Variants in PRKAR2A observed in about 807,000 individuals in gnomAD.
PRKAR2A encodes cAMP-dependent protein kinase type II-alpha regulatory subunit.
A neutral mutation model predicts 51.9 loss-of-function variants in PRKAR2A; 29 were observed. The observed-to-expected ratio is 0.56, with a 90% CI of 0.42 to 0.76. PRKAR2A has a LOEUF of 0.76. Ranked by LOEUF, PRKAR2A falls within the 30% of genes least tolerant of loss-of-function variation. The pLI, the probability that PRKAR2A is intolerant of heterozygous loss-of-function variation, is 0.00. For missense variants in PRKAR2A, 445 were observed against 512.1 expected, an observed-to-expected ratio of 0.87 and a Z score of 1.26; for synonymous variants, 178 against 186.2, an observed-to-expected ratio of 0.96 and a Z score of 0.36.
At chr3:48,786,134 T>G (rs937807899) in intron 4 of PRKAR2A, among the ~76,000 whole-genome samples, 3 of 150,396 alleles carry the variant, frequency 2.0e-5, no homozygotes, top group African/African-American at 7.3e-5. Flanking sequence ...TTTTGTTTTT[T>G]TTTTTTTTGA....
At chr3:48,765,851 A>T (rs1210026414) in intron 6 of PRKAR2A, among the ~76,000 whole-genome samples, 3 of 151,998 alleles carry the variant, frequency 2.0e-5, no homozygotes, top group East Asian at 1.9e-4. Context: ...GTTCTTGCCT[A>T]AAAAAAGAAC....
intron 6 of PRKAR2A, 75 bp from the exon 7 acceptor site, chr3:48,765,424 G>T: frequency 1.0e-6 from 1 of 957,954 alleles, no homozygotes; most frequent in Non-Finnish European, 1.5e-6. Context: ...ACTGGCCAAA[G>T]CAAATATTAG....
Position 48,749,045 on chromosome 3 carries a change from C to T in PRKAR2A, c.*2540G>A, listed in dbSNP as rs188254549. 1 of 152,298 alleles carries T rather than the reference C, an allele frequency of 6.6e-6. No individual in the cohort carries two copies. Among genetic ancestry groups the T allele is most frequent in the East Asian group, 1.9e-4 (1 of 5,184 alleles). The allele number at this position is 152,298 out of a possible 1,614,324, so 9.4% of individuals were successfully genotyped here. A position where few individuals can be genotyped will look rare whatever the true frequency, so the allele number is the denominator to read the frequency against. On this transcript the variant is annotated 3_prime_UTR_variant, in exon 11 of 11. Coordinates refer to ENST00000265563, the MANE Select transcript of PRKAR2A (RefSeq NM_004157.4). ...TCCGTGGCAAAAGCGGAAAGCCTAGCTTATGTGGATAGTTGAAGGTGACTG... is the reference window on the plus strand; with the variant it reads ...TCCGTGGCAAAAGCGGAAAGCCTAGTTTATGTGGATAGTTGAAGGTGACTG...
At chr3:48,773,316 T>C (rs1368206642) in intron 5 of PRKAR2A, among the ~76,000 whole-genome samples, 2 of 151,130 alleles carry the variant, frequency 1.3e-5, no homozygotes, top group Non-Finnish European at 2.9e-5. Flanking sequence ...AGCCTTTTTG[T>C]GGCATTCTTG....
At chr3:48,775,608 T>C (rs569514608) in intron 5 of PRKAR2A, among the ~76,000 whole-genome samples, 86 of 151,372 alleles carry the variant, frequency 5.7e-4, no homozygotes, top group Admixed American at 1.5e-3. Context: ...TTAAAACATA[T>C]AGCAAACGCC....
At chr3:48,760,124 C>T (rs762538441) in intron 8 of PRKAR2A, among the ~76,000 whole-genome samples, 6 of 152,234 alleles carry the variant, frequency 3.9e-5, no homozygotes, top group Non-Finnish European at 5.9e-5. Flanking sequence ...AAGGCCAAGG[C>T]GGACAGATCA....
At chr3:48,810,186 A>C (rs2082747837) in intron 1 of PRKAR2A, among the ~76,000 whole-genome samples, 1 of 151,990 alleles carries the variant, frequency 6.6e-6, no homozygotes, top group African/African-American at 2.4e-5. Flanking sequence ...AGTTCTAGGA[A>C]TATGTTCTAA....
intron 2 of PRKAR2A, among the ~76,000 whole-genome samples, chr3:48,796,035 AG>A (rs1253498684): frequency 6.6e-6 from 1 of 152,218 alleles, no homozygotes; most frequent in African/African-American, 2.4e-5. Flanking sequence ...CTGAATAAAG[AG>A]TTTTGTACTT....
chr3:48,799,503 T>G (rs2082550215), intron 2 of PRKAR2A, among the ~76,000 whole-genome samples: 1 of 152,224 alleles, frequency 6.6e-6, no homozygotes, highest in South Asian at 2.1e-4. Flanking sequence ...ATTTCTAAAT[T>G]ATTTTAAGCA....
chr3:48,757,913 A>G (rs573913723), intron 8 of PRKAR2A, among the ~76,000 whole-genome samples: 1 of 152,214 alleles, frequency 6.6e-6, no homozygotes, highest in East Asian at 1.9e-4. Flanking sequence ...AAAATTAGCC[A>G]GGTGTGGTGA....
At chr3:48,831,512 G>A (rs942025334) in intron 1 of PRKAR2A, among the ~76,000 whole-genome samples, 1 of 151,914 alleles carries the variant, frequency 6.6e-6, no homozygotes, top group Non-Finnish European at 1.5e-5. Flanking sequence ...AACTATAGGC[G>A]TGCATCACCA....
At chr3:48,774,387 G>A (rs1159627918) in intron 5 of PRKAR2A, among the ~76,000 whole-genome samples, 2 of 151,976 alleles carry the variant, frequency 1.3e-5, no homozygotes, top group Non-Finnish European at 2.9e-5. Context: ...GAACTTGCCA[G>A]GTGCAGTGGC....
At chr3:48,785,945 T>A (rs2082284196) in intron 4 of PRKAR2A, among the ~76,000 whole-genome samples, 1 of 152,102 alleles carries the variant, frequency 6.6e-6, no homozygotes, top group Admixed American at 6.6e-5. Context: ...TTTGAAAATT[T>A]AAAAATAGAA....
At position 48,847,036 on chromosome 3, in the gene PRKAR2A, G is replaced by A. The variant is rs1417905226; in HGVS notation, c.262+299C>T. On this transcript the variant is annotated intron_variant, in intron 1 of 10. Coordinates refer to ENST00000265563, the MANE Select transcript of PRKAR2A (RefSeq NM_004157.4). This position sits in a 1 kb window ranked among gnomAD's most constrained non-coding sequence, Gnocchi z 4.4. ...TCTTCGAAGCCAAAACTGGTGAAGG[G>A]TCTTAAGCAAAGGCGAGGGATCCTC... 6.6e-6 allele frequency among the ~76,000 whole-genome samples: 1 copy of A among 152,246 alleles called. No homozygotes were observed. Among genetic ancestry groups the A allele is most frequent in the Non-Finnish European group, 1.5e-5 (1 of 68,042 alleles).
Position 48,847,479 on chromosome 3 carries a change from G to A in PRKAR2A, c.118C>T (p.Leu40=). ...GAGGCTGGGGCGCGGGCCTCGCGCA[G>A]GCGGGTGAAGTACTCCACTGCGAAT... ...VEFAVEYFTR[L]REARAPASVL... Residue 40 remains leucine, a synonymous_variant, in exon 1 of 11, where the codon CTG becomes TTG. Transcript: ENST00000265563. The surrounding 1 kb of genome is among the most constrained non-coding windows in gnomAD (Gnocchi z 4.4). 1 of 1,558,792 alleles carries A rather than the reference G, an allele frequency of 6.4e-7. No individual in the cohort carries two copies. The highest frequency in any genetic ancestry group is 2.4e-5 in the East Asian group (1 of 41,540).
intron 2 of PRKAR2A, 51 bp from the exon 3 acceptor site, chr3:48,794,100 C>T (rs1346704263): frequency 7.1e-7 from 1 of 1,399,604 alleles, no homozygotes; most frequent in East Asian, 2.3e-5. Flanking sequence ...AGATGTGTGG[C>T]TTTAGGAAAA....
chr3:48,786,663 A>G (rs2082299958), intron 4 of PRKAR2A, among the ~76,000 whole-genome samples: 1 of 151,788 alleles, frequency 6.6e-6, no homozygotes, highest in South Asian at 2.1e-4. Flanking sequence ...AAATTTTTAA[A>G]AAAGATAACT....
At position 48,750,934 on chromosome 3, in the gene PRKAR2A, G is replaced by A. The variant is rs912444311; in HGVS notation, c.*651C>T. 2.3e-5 allele frequency: 4 copies of A among 173,280 alleles called. No homozygotes were observed. The highest frequency in any genetic ancestry group is 4.9e-5 in the Non-Finnish European group (4 of 80,904). 10.7% of individuals were successfully genotyped at this position (173,280 alleles called of 1,614,324 possible). Reference sequence around the variant, plus strand: ...CCACGGACCTATCAGTCTGCTCTGGGGTGCTGACCTGCTGGGTCCTGAGCA... The same window carrying A: ...CCACGGACCTATCAGTCTGCTCTGGAGTGCTGACCTGCTGGGTCCTGAGCA... On this transcript the variant is annotated 3_prime_UTR_variant, in exon 11 of 11. Transcript: ENST00000265563.
intron 1 of PRKAR2A, among the ~76,000 whole-genome samples, chr3:48,811,745 T>C (rs561405658): frequency 1.3e-5 from 2 of 152,234 alleles, no homozygotes; most frequent in Admixed American, 6.5e-5. Flanking sequence ...GTGCATAACA[T>C]TGTGAATGCG....
Sources: gnomAD v4.1 joint callset for allele counts (sites outside exome capture counted in the v4.1 genomes callset) on GRCh38, gnomAD v4.1.1 for gene constraint, Gnocchi (gnomAD v3.1) non-coding constraint, MANE v1.5 for transcripts, NCBI Gene and HGNC (gene_info 2026-07-23, HGNC 2026-07-21) for gene names.